APBB2: variants seen among roughly 807,000 people sequenced by gnomAD.
APBB2 encodes Fe65-like 1.
Under a neutral mutation model 82.5 loss-of-function variants are expected in APBB2, and 38 were observed. The ratio of observed to expected loss-of-function variants is 0.46; its 90% CI spans 0.36 to 0.60. The LOEUF (loss-of-function observed/expected upper bound fraction) is 0.60. APBB2 is among the 20% of genes least tolerant of loss of function. APBB2 has a pLI of 0.00. For missense variants in APBB2, 772 were observed against 972.3 expected (o/e 0.79, Z 2.74); for synonymous variants, 341 against 368.2 (o/e 0.93, Z 0.85).
chr4:41,168,130 G>A (rs190067599), intron 1 of APBB2, among the ~76,000 whole-genome samples: 3 of 151,910 alleles, frequency 2.0e-5, no homozygotes, highest in African/African-American at 7.2e-5. Context: ...TTGGCCGGGC[G>A]TGGTGGCAGG....
chr4:41,161,170 C>CAAA (rs33917178), intron 1 of APBB2, among the ~76,000 whole-genome samples: 16 of 86,250 alleles, frequency 1.9e-4, no homozygotes, highest in African/African-American at 2.9e-4. Context: ...TCTTCCCTGG[C>CAAA]AAAAAAAAAA....
intron 2 of APBB2, among the ~76,000 whole-genome samples, chr4:41,124,363 C>T (rs1254019373): frequency 2.0e-5 from 3 of 152,130 alleles, no homozygotes; most frequent in Non-Finnish European, 4.4e-5. Context: ...GGACTGTAGG[C>T]GCCCACCACC....
At chr4:40,990,256 T>C (rs950725485) in intron 6 of APBB2, 1 of 152,120 alleles carries the variant, frequency 6.6e-6, no homozygotes, top group East Asian at 1.9e-4. Flanking sequence ...ACCATGAGAA[T>C]ACCAGGTGCT....
At chr4:41,131,483 G>A (rs1489158195) in intron 2 of APBB2, among the ~76,000 whole-genome samples, 1 of 152,068 alleles carries the variant, frequency 6.6e-6, no homozygotes, top group East Asian at 1.9e-4. Context: ...ACATAGATAT[G>A]TATTTTAGAA....
intron 12 of APBB2, among the ~76,000 whole-genome samples, chr4:40,863,534 T>A (rs183171382): frequency 2.2e-4 from 34 of 152,224 alleles, no homozygotes; most frequent in Non-Finnish European, 4.6e-4. Flanking sequence ...CATACGTGAA[T>A]CATCTAAACC....
chr4:40,812,869 CTA>C lies in APBB2; in HGVS notation c.*3221_*3222del, dbSNP rs1391447746. On this transcript the variant is annotated 3_prime_UTR_variant, in exon 18 of 18. Transcript: ENST00000508593. ...AACAAAAAACAATGGTCCTAATTAG[CTA>C]TGAGTGATCTTGTATCCAGGTGGAA... is the stretch of plus-strand genomic sequence containing the variant. 5 of 152,176 alleles carry C rather than the reference CTA, an allele frequency of 3.3e-5. No individual in the cohort carries two copies. 9.4% of individuals were successfully genotyped at this position (152,176 alleles called of 1,614,324 possible).
At chr4:41,144,693 A>G (rs1372193445) in intron 1 of APBB2, among the ~76,000 whole-genome samples, 1 of 152,232 alleles carries the variant, frequency 6.6e-6, no homozygotes, top group Non-Finnish European at 1.5e-5. Flanking sequence ...GATGAACAAC[A>G]CTTTCCTAGA....
intron 1 of APBB2, among the ~76,000 whole-genome samples, chr4:41,210,917 AGAT>A (rs1779155726): frequency 6.6e-6 from 1 of 152,248 alleles, no homozygotes; most frequent in South Asian, 2.1e-4. Flanking sequence ...TTACAGCATA[AGAT>A]GATATATACA....
chr4:41,159,961 GAGAAGAAGAAGAAGAAGA>G (rs1161043741), intron 1 of APBB2, among the ~76,000 whole-genome samples: 504 of 31,960 alleles, frequency 0.016, 44 homozygotes, highest in African/African-American at 0.038. Flanking sequence ...GAAGGAGAAG[GAGAAGAAGAAGAAGAAGA>G]AGAAGAAGAA....
At position 40,810,525 on chromosome 4, in the gene APBB2, C is replaced by G. The variant is rs938196565; in HGVS notation, c.*5567G>C. On this transcript the variant is annotated 3_prime_UTR_variant, in exon 18 of 18. Coordinates refer to ENST00000508593, the MANE Select transcript of APBB2 (RefSeq NM_004307.2). ...TCCAGGAGGTGCAGGTTGCAGTGAG[C>G]CAATATTGCCCCACTGCACTCCAGC... is the stretch of plus-strand genomic sequence containing the variant. 2 of 141,816 alleles carry G rather than the reference C, an allele frequency of 1.4e-5. No individual in the cohort carries two copies. The highest frequency in any genetic ancestry group is 1.5e-4 in the Admixed American group (2 of 13,188). 8.8% of individuals were successfully genotyped at this position (141,816 alleles called of 1,614,324 possible).
chr4:40,843,042 AC>A (rs1176242489), intron 12 of APBB2, among the ~76,000 whole-genome samples: 1 of 152,134 alleles, frequency 6.6e-6, no homozygotes, highest in Non-Finnish European at 1.5e-5. Flanking sequence ...TCCCTGAGCT[AC>A]CCAGAGCTGT....
rs926286622 is a variant in APBB2 at position 40,968,412 on chromosome 4, T to C, written c.836-23339A>G. On this transcript the variant is annotated intron_variant, in intron 6 of 17. Transcript: ENST00000508593. ...CCTCGCTTGGATTCAAAACTGGCTT[T>C]ATGACTGCTTGTTGTGACTACAGTG... 2.0e-5 allele frequency among the ~76,000 whole-genome samples: 3 copies of C among 152,212 alleles called. No individual in the cohort carries two copies. In the South Asian group the frequency reaches 6.2e-4, roughly 32 times the overall value.
chr4:40,881,077 G>A, intron 12 of APBB2: 1 of 985,362 alleles, frequency 1.0e-6, no homozygotes, highest in Non-Finnish European at 1.2e-6. Context: ...CATGATTAAT[G>A]GAAGGCAGAG....
chr4:41,117,257 A>G (rs977946569), intron 2 of APBB2, among the ~76,000 whole-genome samples: 21 of 150,484 alleles, frequency 1.4e-4, no homozygotes, highest in African/African-American at 4.2e-4. Flanking sequence ...CCCTACCTCA[A>G]TGAGGTAGGA....
Position 40,952,074 on chromosome 4 carries a change from T to C in APBB2, c.836-7001A>G, listed in dbSNP as rs571886297. ...GGTGACAGGCACCTGTAATCCCAGC[T>C]ACTAAGGAGGCTGAGGCAGGAGAAT... On this transcript the variant is annotated intron_variant, in intron 6 of 17. Coordinates refer to ENST00000508593, the MANE Select transcript of APBB2 (RefSeq NM_004307.2). Among the ~76,000 whole-genome samples, 6 of 150,506 alleles carry C rather than the reference T, an allele frequency of 4.0e-5. No homozygotes were observed. The South Asian group carries it at 1.0e-3, about 26-fold the overall frequency.
intron 1 of APBB2, among the ~76,000 whole-genome samples, chr4:41,186,617 A>T (rs1306917789): frequency 6.6e-6 from 1 of 152,230 alleles, no homozygotes; most frequent in Non-Finnish European, 1.5e-5. Flanking sequence ...TCAGATCTCT[A>T]CTTTATCTGG....
chr4:41,023,079 T>G (rs890490075), intron 5 of APBB2, among the ~76,000 whole-genome samples: 3 of 152,200 alleles, frequency 2.0e-5, no homozygotes, highest in Non-Finnish European at 4.4e-5. Context: ...AACTCTACCG[T>G]GGCTCCCGAA....
At chr4:40,905,920 G>C (rs1309662288) in intron 10 of APBB2, among the ~76,000 whole-genome samples, 1 of 152,136 alleles carries the variant, frequency 6.6e-6, no homozygotes, top group Non-Finnish European at 1.5e-5. Context: ...GGCTCGAGTG[G>C]GGAAGCGAGA....
chr4:41,074,456 T>C (rs1411533458), intron 3 of APBB2, among the ~76,000 whole-genome samples: 2 of 152,184 alleles, frequency 1.3e-5, no homozygotes, highest in Non-Finnish European at 2.9e-5. Context: ...CAGCACTCTT[T>C]ATCATAGTGA....
Sources: allele counts gnomAD v4.1 joint callset (sites outside exome capture counted in the v4.1 genomes callset), GRCh38; gene constraint gnomAD v4.1.1; transcripts MANE v1.5; gene names NCBI Gene and HGNC (gene_info 2026-07-23, HGNC 2026-07-21).